MYH6: variants seen among roughly 807,000 people sequenced by gnomAD.
MYH6 encodes the protein myosin heavy chain 6.
A neutral mutation model predicts 223.2 loss-of-function variants in MYH6; 126 were observed. The observed-to-expected ratio is 0.56, with a 90% confidence interval of 0.49 to 0.65. MYH6 has a LOEUF of 0.65. MYH6 is among the 30% of genes least tolerant of loss of function. The pLI is 0.00. For missense variants in MYH6, 2,040 were observed against 2,536.4 expected (o/e 0.80, Z 4.20); for synonymous variants, 978 against 1,010.2 (o/e 0.97, Z 0.61).
At chr14:23,386,910 T>G (rs59556853) in intron 32 of MYH6, among the ~76,000 whole-genome samples, 5,651 of 152,068 alleles carry the variant, frequency 0.037, 311 homozygotes, top group African/African-American at 0.12. Flanking sequence ...TTATAGAAAA[T>G]GGAGGAATTT....
Position 23,383,339 on chromosome 14 carries a change from G to GGGGGGGGGGGGGGGCCCCCCCCCCC in MYH6, c.5566-20_5566-19insGGGGGGGGGGGCCCCCCCCCCCCCC. On this transcript the variant is annotated intron_variant, in intron 36 of 38. Coordinates refer to ENST00000405093, the MANE Select transcript of MYH6 (RefSeq NM_002471.4). ...CCTCTGTCTGGGGGTGGGAGGGTGGGAGAAGCTGGTTTGGAGGGGGAGCAA... is the reference window on the plus strand; with the variant it reads ...CCTCTGTCTGGGGGTGGGAGGGTGGGGGGGGGGGGGGGGGCCCCCCCCCCCAGAAGCTGGTTTGGAGGGGGAGCAA... 1 of 108,198 alleles carries GGGGGGGGGGGGGGGCCCCCCCCCCC rather than the reference G, an allele frequency of 9.2e-6. No homozygotes were observed. The highest frequency in any genetic ancestry group is 1.8e-5 in the Non-Finnish European group (1 of 54,382). 6.7% of individuals were successfully genotyped at this position (108,198 alleles called of 1,614,324 possible).
intron 36 of MYH6, 116 bp from the exon 37 acceptor site, chr14:23,383,436 TC>T (rs1595046770): frequency 1.2e-6 from 1 of 825,928 alleles, no homozygotes; most frequent in Non-Finnish European, 2.0e-6. Flanking sequence ...CCTGCAATGA[TC>T]CAGGTCAAAG....
rs182951502 is a variant in MYH6 at position 23,396,378 on chromosome 14, G to T, written c.2335C>A (p.Arg779=). 3.7e-6 allele frequency: 6 copies of T among 1,613,876 alleles called. No homozygotes were observed. In the African/African-American group the frequency reaches 4.0e-5, roughly 11 times the overall value. The change falls in exon 20 of 39, where the codon CGG becomes AGG. Residue 779 remains arginine, a synonymous_variant. Coordinates refer to ENST00000405093, the MANE Select transcript of MYH6 (RefSeq NM_002471.4). ...ATGATGCGGCTCAGCCTCTCATCCC[G>T]CATCTCCTCCAGCAGCCCAAGCAGC... ...AGLLGLLEEM[R]DERLSRIITR...
At chr14:23,386,649 G>GC in intron 32 of MYH6, 26 bp from the exon 33 acceptor site, 12 of 1,240,100 alleles carry the variant, frequency 9.7e-6, no homozygotes, top group Non-Finnish European at 1.3e-5. Flanking sequence ...GCGAGGGCGG[G>GC]CAGACAGGGC....
rs1320990570 is a variant in MYH6 at position 23,407,153 on chromosome 14, A to G, written c.71T>C (p.Leu24Pro). 46 of 1,614,108 alleles carry G rather than the reference A, an allele frequency of 2.8e-5. No homozygotes were observed. The highest frequency in any genetic ancestry group is 3.6e-5 in the Non-Finnish European group (42 of 1,180,048). Residue 24 changes from leucine to proline, a missense_variant, in exon 3 of 39, where the codon CTA becomes CCA. Physicochemically the swap from Leu to Pro is moderately conservative, Grantham distance 98. This residue lies in a region of MYH6 where 184 missense variants were observed against 232.4 expected (regional missense o/e 0.79). Coordinates refer to ENST00000405093, the MANE Select transcript of MYH6 (RefSeq NM_002471.4). This position sits in a 1 kb window ranked among gnomAD's most constrained non-coding sequence, Gnocchi z 5.6. ...GTCAAAGGGCCGGGTCTGGGCCTCT[A>G]GACGCTCCTTCTCTGACTTGCGGAG... is the stretch of plus-strand genomic sequence containing the variant. ...QYLRKSEKER[L>P]EAQTRPFDIR...
In MYH6 at chr14:23,404,405, A is replaced by G; in HGVS notation, c.643-17T>C. On this transcript the variant is annotated splice_polypyrimidine_tract_variant and intron_variant, in intron 7 of 38. Coordinates refer to ENST00000405093, the MANE Select transcript of MYH6 (RefSeq NM_002471.4). Reference sequence around the variant, plus strand: ...CAGGGTGCCCTATGAAAGGAGCAGAACTGCATGGGTTCATCCTCCATCCAC... The same window carrying G: ...CAGGGTGCCCTATGAAAGGAGCAGAGCTGCATGGGTTCATCCTCCATCCAC... 6.2e-7 allele frequency: 1 copy of G among 1,613,464 alleles called. No homozygotes were observed. The highest frequency in any genetic ancestry group is 8.5e-7 in the Non-Finnish European group (1 of 1,179,368).
chr14:23,391,566 A>G (rs1031898241), intron 25 of MYH6, among the ~76,000 whole-genome samples: 2 of 152,184 alleles, frequency 1.3e-5, no homozygotes. Flanking sequence ...GTGTTCATAC[A>G]TTACTTGCAG....
intron 10 of MYH6, 144 bp from the exon 11 acceptor site, chr14:23,402,944 G>C (rs1324104279): frequency 2.8e-6 from 2 of 707,382 alleles, no homozygotes; most frequent in East Asian, 2.7e-5. Context: ...AGCAGGGAGA[G>C]AAGAGAAGTC....
At position 23,387,814 on chromosome 14, in the gene MYH6, T is replaced by G; in HGVS notation, c.4469A>C (p.Tyr1490Ser). ...STELFKLKNAYEESLEHLETF... is the reference protein window; with the variant it reads ...STELFKLKNASEESLEHLETF... ...CTCTAGGTGCTCCAGGGACTCCTCGTAGGCGTTCTTGAGCTTGAAGAGCTC... is the reference window on the plus strand; with the variant it reads ...CTCTAGGTGCTCCAGGGACTCCTCGGAGGCGTTCTTGAGCTTGAAGAGCTC... Residue 1490 changes from tyrosine to serine, a missense_variant, in exon 31 of 39, where the codon TAC becomes TCC. Coordinates refer to ENST00000405093, the MANE Select transcript of MYH6 (RefSeq NM_002471.4). 1 of 1,614,156 alleles carries G rather than the reference T, an allele frequency of 6.2e-7. No homozygotes were observed. The highest frequency in any genetic ancestry group is 8.5e-7 in the Non-Finnish European group (1 of 1,180,032).
rs1595056114 is a variant in MYH6 at position 23,393,385 on chromosome 14, C to A, written c.3062G>T (p.Ser1021Ile). Reference protein sequence around the residue: ...DLQVEEDKVNSLSKSKVKLEQ... With the variant: ...DLQVEEDKVNILSKSKVKLEQ... ...CAGCTTGACCTTAGACTTGGACAGG[C>A]TGTTGACCTTGTCTTCCTCAACCTG... The change falls in exon 23 of 39, where the codon AGC (serine) becomes ATC (isoleucine). Residue 1021 changes from serine (S) to isoleucine (I), a missense_variant. Physicochemically the swap from Ser to Ile is moderately radical, Grantham distance 142. Transcript: ENST00000405093. The A allele has an allele frequency of 3.1e-6, 5 of 1,614,208 alleles. No homozygotes were observed. The highest frequency in any genetic ancestry group is 4.2e-6 in the Non-Finnish European group (5 of 1,180,040).
At chr14:23,404,615 G>T in intron 7 of MYH6, 96 bp downstream of exon 7, 1 of 1,261,872 alleles carries the variant, frequency 7.9e-7, no homozygotes, top group Non-Finnish European at 1.1e-6. Context: ...CAGTGTGGCT[G>T]TCCCCACCAC....
At chr14:23,388,546 A>C (rs1891113821) in intron 29 of MYH6, 2 of 902,332 alleles carry the variant, frequency 2.2e-6, no homozygotes, top group Non-Finnish European at 3.8e-6. Flanking sequence ...TCTGGGTGTC[A>C]GTGCCCCCTG....
chr14:23,388,562 AC>A (rs1308782785), intron 29 of MYH6: 2 of 866,178 alleles, frequency 2.3e-6, no homozygotes, highest in Non-Finnish European at 4.0e-6. Flanking sequence ...CCCTGCCCTC[AC>A]CCCCCACACA....
Position 23,405,860 on chromosome 14 carries a change from A to G in MYH6, c.202-90T>C. ...GCCCACTGACCTCCTCCCAGGACAC[A>G]GGGACTTGGCCTTGCTCCCCTTGCT... On this transcript the variant is annotated intron_variant, in intron 3 of 38. Transcript: ENST00000405093. This position sits in a 1 kb window ranked among gnomAD's most constrained non-coding sequence, Gnocchi z 4.7. The G allele has an allele frequency of 4.5e-6, 7 of 1,561,144 alleles. No individual in the cohort carries two copies. The highest frequency in any genetic ancestry group is 6.2e-6 in the Non-Finnish European group (7 of 1,133,444).
intron 36 of MYH6, 52 bp from the exon 37 acceptor site, chr14:23,383,372 C>A (rs1890920467): frequency 7.4e-7 from 1 of 1,356,712 alleles, no homozygotes; most frequent in African/African-American, 1.4e-5. Flanking sequence ...CAAATGCAAT[C>A]ACCTTTCCCT....
chr14:23,402,797 A>G lies in MYH6; in HGVS notation c.902T>C (p.Met301Thr), dbSNP rs1555334802. ...GTAGGGATTGTTGGTGACCAGCAGC[A>G]TGTCTGCACCAGGCAAGGGGTGAGG... ...LSNKKPELLD[M>T]LLVTNNPYDY... The change falls in exon 11 of 39, where the codon ATG becomes ACG. Residue 301 changes from methionine (M) to threonine (T), a missense_variant. By Grantham distance (81) the Met-to-Thr change is moderately conservative. Transcript: ENST00000405093. 1.4e-6 allele frequency: 2 copies of G among 1,416,384 alleles called. No individual in the cohort carries two copies. The highest frequency in any genetic ancestry group is 1.9e-6 in the Non-Finnish European group (2 of 1,055,648). 87.7% of individuals were successfully genotyped at this position (1,416,384 alleles called of 1,614,324 possible).
chr14:23,383,339 G>GGGGGGGGGGGGGGGGCCCCCCCCC lies in MYH6; in HGVS notation c.5566-20_5566-19insGGGGGGGGGCCCCCCCCCCCCCCC. On this transcript the variant is annotated intron_variant, in intron 36 of 38. Coordinates refer to ENST00000405093, the MANE Select transcript of MYH6 (RefSeq NM_002471.4). ...CCTCTGTCTGGGGGTGGGAGGGTGG[G>GGGGGGGGGGGGGGGGCCCCCCCCC]AGAAGCTGGTTTGGAGGGGGAGCAA... 1.8e-5 allele frequency: 2 copies of GGGGGGGGGGGGGGGGCCCCCCCCC among 108,188 alleles called. No individual in the cohort carries two copies. The highest frequency in any genetic ancestry group is 9.5e-5 in the African/African-American group (1 of 10,530). 6.7% of individuals were successfully genotyped at this position (108,188 alleles called of 1,614,324 possible). A position where few individuals can be genotyped will look rare whatever the true frequency, so the allele number is the denominator to read the frequency against.
Position 23,389,616 on chromosome 14 carries a change from C to T in MYH6, c.3836G>A (p.Arg1279Gln), listed in dbSNP as rs200014711. Reference protein sequence around the residue: ...QRSLNDFTTQRAKLQTENGEL... With the variant: ...QRSLNDFTTQQAKLQTENGEL... ...ACCATTCTCGGTCTGCAGCTTGGCT[C>T]GCTGGGTGGTGAAATCATTGAGGGA... The change falls in exon 27 of 39, where the codon CGA becomes CAA. Residue 1279 changes from arginine (R) to glutamine (Q), a missense_variant. Arg to Gln is a conservative substitution (Grantham distance 43). Coordinates refer to ENST00000405093, the MANE Select transcript of MYH6 (RefSeq NM_002471.4). 11 of 1,614,180 alleles carry T rather than the reference C, an allele frequency of 6.8e-6. No individual in the cohort carries two copies. The highest frequency in any genetic ancestry group is 6.7e-5 in the African/African-American group (5 of 75,034).
chr14:23,387,478 G>A (rs780843623), intron 32 of MYH6, 51 bp downstream of exon 32: 10 of 1,608,524 alleles, frequency 6.2e-6, no homozygotes, highest in Admixed American at 1.7e-5. Context: ...AGGGAGAAGT[G>A]GGAGACAGCG....
Sources: gnomAD v4.1 joint callset for allele counts (sites outside exome capture counted in the v4.1 genomes callset) on GRCh38, gnomAD v4.1.1 for gene constraint, gnomAD v4.1.1 regional missense constraint, Gnocchi (gnomAD v3.1) non-coding constraint, MANE v1.5 for transcripts, NCBI Gene and HGNC (gene_info 2026-07-23, HGNC 2026-07-21) for gene names.